The following C1QTNF3 variants were observed in gnomAD, a reference collection of about 807,000 sequenced individuals.
The protein encoded by C1QTNF3 is C1q and TNF related 3, also known as complement C1q tumor necrosis factor-related protein 3.
C1QTNF3 carries 26 observed loss-of-function variants against 32.6 expected under a neutral mutation model. That is an observed-to-expected ratio of 0.80 (90% CI 0.58 to 1.11). C1QTNF3 has a LOEUF of 1.11. C1QTNF3 is among the 50% of genes least tolerant of loss of function. The pLI is 0.00. For missense variants in C1QTNF3, 362 were observed against 398.2 expected, an observed-to-expected ratio of 0.91 and a Z score of 0.77; for synonymous variants, 155 against 146.0, an observed-to-expected ratio of 1.06 and a Z score of -0.44.
Position 34,042,854 on chromosome 5 carries a change from T to A in C1QTNF3, c.272A>T (p.Asp91Val), listed in dbSNP as rs1313845048. Residue 91 changes from aspartate to valine, a missense_variant, in exon 1 of 6, where the codon GAC becomes GTC. Asp to Val is a radical substitution (Grantham distance 152, BLOSUM62 -3). Coordinates refer to ENST00000382065, the MANE Select transcript of C1QTNF3 (RefSeq NM_181435.6). ...CCAGAATGTGGTGATCTGGGCTAGGTCATCTACCTCGGGGTGCGGTAGCTC... is the reference window on the plus strand; with the variant it reads ...CCAGAATGTGGTGATCTGGGCTAGGACATCTACCTCGGGGTGCGGTAGCTC... ...PDELPHPEVD[D>V]LAQITTFWGQ... is the part of the protein sequence containing the mutation. 1.2e-6 allele frequency: 2 copies of A among 1,614,178 alleles called. No individual in the cohort carries two copies. Among genetic ancestry groups the A allele is most frequent in the South Asian group, 2.2e-5 (2 of 91,080 alleles).
intron 1 of C1QTNF3, among the ~76,000 whole-genome samples, chr5:34,040,893 C>G (rs1464131112): frequency 6.6e-6 from 1 of 151,970 alleles, no homozygotes; most frequent in African/African-American, 2.4e-5. Context: ...ACTATCAGTA[C>G]TTTGACACTT....
chr5:34,036,994 C>A (rs987894390), intron 1 of C1QTNF3, among the ~76,000 whole-genome samples: 1 of 151,970 alleles, frequency 6.6e-6, no homozygotes, highest in Admixed American at 6.6e-5. Context: ...CTGTTTGAAC[C>A]AATGTTTAAT....
the C1QTNF3 span, among the ~76,000 whole-genome samples, chr5:34,242,377 C>T: frequency 6.6e-6 from 1 of 152,164 alleles, no homozygotes; most frequent in Admixed American, 6.5e-5. Context: ...CCATCTGGAT[C>T]GTGGACAAGG....
At chr5:34,202,292 A>G in the C1QTNF3 span, among the ~76,000 whole-genome samples, 1 of 151,638 alleles carries the variant, frequency 6.6e-6, no homozygotes, top group Non-Finnish European at 1.5e-5. Flanking sequence ...TAATGTAAAC[A>G]CATGCTGGAA....
the C1QTNF3 span, among the ~76,000 whole-genome samples, chr5:34,225,087 C>T: frequency 4.0e-5 from 6 of 151,730 alleles, no homozygotes; most frequent in Admixed American, 2.0e-4. Flanking sequence ...GAAAAATGAA[C>T]ATTTCAAAGA....
At chr5:34,155,439 C>G in the C1QTNF3 span, among the ~76,000 whole-genome samples, 1 of 152,228 alleles carries the variant, frequency 6.6e-6, no homozygotes, top group East Asian at 1.9e-4. Flanking sequence ...TTGGATTACC[C>G]CACTGGGCAT....
chr5:34,101,215 C>T, the C1QTNF3 span, among the ~76,000 whole-genome samples: 1,835 of 151,096 alleles, frequency 0.012, 20 homozygotes, highest in South Asian at 0.029. Context: ...AGAATGCTTG[C>T]TGTCATCTTG....
the C1QTNF3 span, among the ~76,000 whole-genome samples, chr5:34,120,854 T>G: frequency 6.6e-6 from 1 of 152,210 alleles, no homozygotes; most frequent in Non-Finnish European, 1.5e-5. Context: ...GAAAACAGAC[T>G]AATACAATAC....
At chr5:34,229,427 C>T in the C1QTNF3 span, among the ~76,000 whole-genome samples, 1,101 of 152,184 alleles carry the variant, frequency 7.2e-3, 5 homozygotes, top group Non-Finnish European at 0.012. Flanking sequence ...TTGATTATTA[C>T]AGCAATCTTG....
intron 4 of C1QTNF3, among the ~76,000 whole-genome samples, chr5:34,028,019 C>G (rs1754514660): frequency 1.3e-5 from 2 of 152,062 alleles, no homozygotes. Flanking sequence ...GTCGCCCAGG[C>G]TGGAGTGCAG....
At chr5:34,131,296 A>G in the C1QTNF3 span, among the ~76,000 whole-genome samples, 2 of 151,626 alleles carry the variant, frequency 1.3e-5, no homozygotes, top group Non-Finnish European at 2.9e-5. Context: ...TGTGACAGAT[A>G]TGTCTTCCAC....
chr5:34,099,149 T>C, the C1QTNF3 span, among the ~76,000 whole-genome samples: 1 of 152,086 alleles, frequency 6.6e-6, no homozygotes, highest in Non-Finnish European at 1.5e-5. Flanking sequence ...ATTGGATGCA[T>C]GTGACTTGTT....
chr5:34,040,819 T>C (rs1754854005), intron 1 of C1QTNF3, among the ~76,000 whole-genome samples: 1 of 152,036 alleles, frequency 6.6e-6, no homozygotes, highest in African/African-American at 2.4e-5. Flanking sequence ...GCAGCACTTT[T>C]TTTTTTTTAA....
At chr5:34,073,186 G>C in the C1QTNF3 span, among the ~76,000 whole-genome samples, 1 of 152,090 alleles carries the variant, frequency 6.6e-6, no homozygotes, top group Non-Finnish European at 1.5e-5. Context: ...CATTAGCCGG[G>C]TGTGGTGGTG....
the C1QTNF3 span, among the ~76,000 whole-genome samples, chr5:34,110,183 A>G: frequency 6.6e-6 from 1 of 152,172 alleles, no homozygotes; most frequent in Non-Finnish European, 1.5e-5. Flanking sequence ...CAGATCCGAC[A>G]AAAGAGGGAA....
At chr5:34,210,755 T>C in the C1QTNF3 span, among the ~76,000 whole-genome samples, 1 of 152,048 alleles carries the variant, frequency 6.6e-6, no homozygotes, top group Non-Finnish European at 1.5e-5. Flanking sequence ...TATGATTCCT[T>C]TGTGAGTGTG....
the C1QTNF3 span, among the ~76,000 whole-genome samples, chr5:34,105,482 T>C: frequency 6.6e-6 from 1 of 151,922 alleles, no homozygotes; most frequent in African/African-American, 2.4e-5. Flanking sequence ...AGAACTAATC[T>C]GTATGTATTT....
At chr5:34,160,177 T>TGTAG in the C1QTNF3 span, among the ~76,000 whole-genome samples, 57 of 152,326 alleles carry the variant, frequency 3.7e-4, no homozygotes, top group African/African-American at 1.4e-3. Context: ...ACCAGGGCAG[T>TGTAG]GTAGTCCTAA....
At chr5:34,163,158 G>A in the C1QTNF3 span, among the ~76,000 whole-genome samples, 14 of 152,200 alleles carry the variant, frequency 9.2e-5, no homozygotes, top group East Asian at 2.7e-3. Flanking sequence ...ATTTTTGGAG[G>A]ATGGACATTT....
Sources: allele counts gnomAD v4.1 joint callset (sites outside exome capture counted in the v4.1 genomes callset), GRCh38; gene constraint gnomAD v4.1.1; transcripts MANE v1.5; gene names NCBI Gene and HGNC (gene_info 2026-07-23, HGNC 2026-07-21).